The following ZSWIM5 variants were observed in gnomAD, a reference collection of about 807,000 sequenced individuals.
The protein encoded by ZSWIM5 is zinc finger SWIM-type containing 5, also known as zinc finger SWIM domain-containing protein 5.
ZSWIM5 carries 55 observed loss-of-function variants against 119.6 expected under a neutral mutation model. The ratio of observed to expected loss-of-function variants is 0.46; its 90% confidence interval spans 0.37 to 0.58. The LOEUF is 0.58. ZSWIM5 is among the 20% of genes least tolerant of loss of function. ZSWIM5 has a pLI of 0.00. For synonymous variants in ZSWIM5, 537 were observed against 606.9 expected (o/e 0.88, Z 1.69); for missense variants, 1,193 against 1,512.8 (o/e 0.79, Z 3.51).
At chr1:45,102,179 G>C (rs187016158) in intron 1 of ZSWIM5, among the ~76,000 whole-genome samples, 2 of 152,104 alleles carry the variant, frequency 1.3e-5, no homozygotes, top group Admixed American at 6.5e-5. Flanking sequence ...ACAAGATAAA[G>C]TTCAAACTTC....
intron 1 of ZSWIM5, among the ~76,000 whole-genome samples, chr1:45,184,447 G>A (rs1646044188): frequency 6.6e-6 from 1 of 152,180 alleles, no homozygotes. Context: ...TAGGAAAAGA[G>A]GAAGTCAAAT....
At chr1:45,112,139 C>A (rs991720051) in intron 1 of ZSWIM5, among the ~76,000 whole-genome samples, 2 of 152,196 alleles carry the variant, frequency 1.3e-5, no homozygotes. Context: ...CTATCTATCA[C>A]CCCCAAATCT....
intron 1 of ZSWIM5, among the ~76,000 whole-genome samples, chr1:45,090,930 T>G (rs916268595): frequency 6.6e-6 from 1 of 152,110 alleles, no homozygotes; most frequent in African/African-American, 2.4e-5. Flanking sequence ...GAGTAATATA[T>G]AGCAAAGAGC....
chr1:45,171,329 C>A (rs1395941858), intron 1 of ZSWIM5, among the ~76,000 whole-genome samples: 1 of 151,982 alleles, frequency 6.6e-6, no homozygotes, highest in East Asian at 1.9e-4. Flanking sequence ...TAGCACTATA[C>A]CACAGTAGCT....
intron 1 of ZSWIM5, among the ~76,000 whole-genome samples, chr1:45,198,606 A>C (rs1476357016): frequency 6.6e-6 from 1 of 152,172 alleles, no homozygotes; most frequent in East Asian, 1.9e-4. Context: ...CCTCTCATCA[A>C]ACAAGGGCAA....
chr1:45,140,222 C>G (rs568663778), intron 1 of ZSWIM5, among the ~76,000 whole-genome samples: 17 of 152,208 alleles, frequency 1.1e-4, no homozygotes, highest in Admixed American at 7.2e-4. Flanking sequence ...TGACCTGCCA[C>G]CTGTTTCTGT....
intron 1 of ZSWIM5, among the ~76,000 whole-genome samples, chr1:45,163,753 G>A (rs346711): frequency 0.063 from 9,542 of 152,186 alleles, 349 homozygotes; most frequent in East Asian, 0.11. Flanking sequence ...AATGAAGTCA[G>A]AAGAGAAGCT....
chr1:45,167,260 G>A (rs959897635), intron 1 of ZSWIM5, among the ~76,000 whole-genome samples: 8 of 151,660 alleles, frequency 5.3e-5, no homozygotes, highest in African/African-American at 1.5e-4. Flanking sequence ...TGGGAAAACT[G>A]GCTAGCCATA....
intron 1 of ZSWIM5, among the ~76,000 whole-genome samples, chr1:45,128,560 G>A (rs1300604412): frequency 6.6e-6 from 1 of 152,124 alleles, no homozygotes; most frequent in African/African-American, 2.4e-5. Flanking sequence ...TGGAGGGAGA[G>A]GCACATAAAT....
Position 45,018,830 on chromosome 1 carries a change from A to G in ZSWIM5, c.3182T>C (p.Ile1061Thr). 1 of 1,614,206 alleles carries G rather than the reference A, an allele frequency of 6.2e-7. No homozygotes were observed. Among genetic ancestry groups the G allele is most frequent in the Non-Finnish European group, 8.5e-7 (1 of 1,180,032 alleles). The change falls in exon 14 of 14, where the codon ATC (isoleucine) becomes ACC (threonine). Residue 1061 changes from isoleucine (I) to threonine (T), a missense_variant. Physicochemically the swap from Ile to Thr is moderately conservative, Grantham distance 89 (BLOSUM62 -1). Around this residue, in one of 2 missense-constraint regions of ZSWIM5, gnomAD observed 961 missense variants for 1,290.0 expected, o/e 0.74. Coordinates refer to ENST00000359600, the MANE Select transcript of ZSWIM5 (RefSeq NM_020883.2). The surrounding 1 kb of genome is among the most constrained non-coding windows in gnomAD (Gnocchi z 6.7). ...GTGCACACTCTTCACCACCAGGGGG[A>G]TGAGAGCTGCCAGCTCATTCTTGCC... ...SLGKNELAAL[I>T]PLVVKSVHCA...
At chr1:45,110,000 G>A (rs567248290) in intron 1 of ZSWIM5, among the ~76,000 whole-genome samples, 37 of 152,120 alleles carry the variant, frequency 2.4e-4, no homozygotes, top group Middle Eastern at 6.8e-3. Flanking sequence ...AGCAAGCTGG[G>A]ACCACAGATG....
chr1:45,080,553 A>T (rs1278287293), intron 2 of ZSWIM5, among the ~76,000 whole-genome samples: 1 of 152,128 alleles, frequency 6.6e-6, no homozygotes, highest in Non-Finnish European at 1.5e-5. Flanking sequence ...CTACTTCCTC[A>T]GTGCCTCTTT....
chr1:45,201,436 C>G (rs965442741), intron 1 of ZSWIM5, among the ~76,000 whole-genome samples: 3 of 152,050 alleles, frequency 2.0e-5, no homozygotes, highest in Non-Finnish European at 4.4e-5. Context: ...ATATAGTAAA[C>G]TTGACTTTTT....
intron 1 of ZSWIM5, among the ~76,000 whole-genome samples, chr1:45,204,618 T>C (rs1014074440): frequency 8.5e-5 from 13 of 152,182 alleles, no homozygotes; most frequent in Non-Finnish European, 1.9e-4. Context: ...AAAAACATTT[T>C]TCAAATGTTT....
intron 1 of ZSWIM5, among the ~76,000 whole-genome samples, chr1:45,125,004 T>G (rs1326789377): frequency 6.6e-6 from 1 of 152,156 alleles, no homozygotes; most frequent in Non-Finnish European, 1.5e-5. Context: ...AATACCTCTC[T>G]CAGCAACTGA....
chr1:45,183,196 C>T (rs1646033613), intron 1 of ZSWIM5, among the ~76,000 whole-genome samples: 2 of 150,920 alleles, frequency 1.3e-5, no homozygotes, highest in South Asian at 4.2e-4. Context: ...TTCTTTGAAA[C>T]CAACGAGAAC....
At chr1:45,190,781 T>C (rs2149053003) in intron 1 of ZSWIM5, among the ~76,000 whole-genome samples, 1 of 152,036 alleles carries the variant, frequency 6.6e-6, no homozygotes, top group South Asian at 2.1e-4. Flanking sequence ...TCAACATCTG[T>C]GAAAGAACGG....
intron 1 of ZSWIM5, among the ~76,000 whole-genome samples, chr1:45,114,635 C>T (rs559027975): frequency 4.0e-5 from 6 of 150,276 alleles, no homozygotes; most frequent in Admixed American, 3.3e-4. Context: ...CATGTTTGTA[C>T]TCTGTATCTT....
intron 1 of ZSWIM5, among the ~76,000 whole-genome samples, chr1:45,155,332 C>T (rs1645820771): frequency 6.6e-6 from 1 of 152,076 alleles, no homozygotes; most frequent in Non-Finnish European, 1.5e-5. Context: ...TGCAATACCA[C>T]CTTACTCCTG....
Sources: gnomAD v4.1 joint callset for allele counts (sites outside exome capture counted in the v4.1 genomes callset) on GRCh38, gnomAD v4.1.1 for gene constraint, gnomAD v4.1.1 regional missense constraint, Gnocchi (gnomAD v3.1) non-coding constraint, MANE v1.5 for transcripts, NCBI Gene and HGNC (gene_info 2026-07-23, HGNC 2026-07-21) for gene names.